CEP162: variants seen among roughly 807,000 people sequenced by gnomAD.
CEP162 encodes the protein centrosomal protein 162.
CEP162 carries 141 observed loss-of-function variants against 169.2 expected under a neutral mutation model. That is an observed-to-expected ratio of 0.83 (90% CI 0.73 to 0.96). The LOEUF (loss-of-function observed/expected upper bound fraction) is 0.96, where lower values mean the gene tolerates loss of function less well. Ranked by LOEUF, CEP162 falls within the 40% of genes least tolerant of loss-of-function variation. CEP162 has a pLI of 0.00. For missense variants in CEP162, 1,600 were observed against 1,587.2 expected (o/e 1.01, Z -0.14); for synonymous variants, 540 against 526.4 (o/e 1.03, Z -0.35).
chr6:84,226,479 T>G, intron 1 of CEP162, 27 bp from the exon 2 acceptor site: 1 of 961,250 alleles, frequency 1.0e-6, no homozygotes, highest in East Asian at 2.6e-5. Flanking sequence ...ATAAACATCT[T>G]TTGAGGAAAT....
At position 84,213,038 on chromosome 6, in the gene CEP162, T is replaced by G; in HGVS notation, c.504-14A>C. ...TTGGCTTGATTACTGGAAAAAATAT[T>G]TATTTAATTTAGCATTACATGTTAA... On this transcript the variant is annotated splice_polypyrimidine_tract_variant and intron_variant, in intron 5 of 26. Coordinates refer to ENST00000403245, the MANE Select transcript of CEP162 (RefSeq NM_014895.4). 6.8e-7 allele frequency: 1 copy of G among 1,469,742 alleles called. No individual in the cohort carries two copies. Among genetic ancestry groups the G allele is most frequent in the Non-Finnish European group, 9.3e-7 (1 of 1,077,162 alleles). The allele number at this position is 1,469,742 out of a possible 1,614,324, so 91.0% of individuals were successfully genotyped here.
At chr6:84,165,905 A>G (rs2099527626) in intron 18 of CEP162, among the ~76,000 whole-genome samples, 1 of 152,228 alleles carries the variant, frequency 6.6e-6, no homozygotes, top group African/African-American at 2.4e-5. Flanking sequence ...GAGAGTCCTG[A>G]AACTAAAATT....
intron 25 of CEP162, among the ~76,000 whole-genome samples, chr6:84,137,224 C>T (rs990041654): frequency 6.6e-6 from 1 of 152,204 alleles, no homozygotes; most frequent in Non-Finnish European, 1.5e-5. Flanking sequence ...TGCTGCCTTG[C>T]TAGCCTGCTG....
chr6:84,165,133 G>A (rs1420303053), intron 18 of CEP162, among the ~76,000 whole-genome samples: 1 of 151,592 alleles, frequency 6.6e-6, no homozygotes, highest in Non-Finnish European at 1.5e-5. Context: ...CACTTCATCA[G>A]GATTTCTGCT....
At chr6:84,166,584 A>G (rs2099527930) in intron 18 of CEP162, among the ~76,000 whole-genome samples, 1 of 152,034 alleles carries the variant, frequency 6.6e-6, no homozygotes, top group Non-Finnish European at 1.5e-5. Flanking sequence ...TACATTTCCA[A>G]TGCTTGGATG....
intron 6 of CEP162, among the ~76,000 whole-genome samples, chr6:84,205,600 C>T (rs1323317474): frequency 1.3e-5 from 2 of 152,118 alleles, no homozygotes; most frequent in African/African-American, 2.4e-5. Flanking sequence ...ATGACAAACC[C>T]ACAGCCAATA....
In CEP162 at chr6:84,186,399, A is replaced by G. The variant is rs889470245; in HGVS notation, c.1334T>C (p.Leu445Pro). The part of the protein sequence containing the change: ...ATEEHVDKMY[L>P]NILRKKITVN... ...AGTTATTTTTTTCCTCAAAATATTA[A>G]GGTACATTTTATCAACATGTTCTTC... The change falls in exon 12 of 27, where the codon CTT becomes CCT. Residue 445 changes from leucine to proline, a missense_variant. Coordinates refer to ENST00000403245, the MANE Select transcript of CEP162 (RefSeq NM_014895.4). 2 of 1,552,544 alleles carry G rather than the reference A, an allele frequency of 1.3e-6. No individual in the cohort carries two copies. Among genetic ancestry groups the G allele is most frequent in the Non-Finnish European group, 1.8e-6 (2 of 1,124,148 alleles).
chr6:84,198,142 C>T (rs1390856317), intron 9 of CEP162, among the ~76,000 whole-genome samples: 1 of 152,074 alleles, frequency 6.6e-6, no homozygotes, highest in Non-Finnish European at 1.5e-5. Flanking sequence ...GAAAATTAAC[C>T]AATGTTTAAG....
chr6:84,140,985 T>C (rs1393831563), intron 25 of CEP162, among the ~76,000 whole-genome samples: 2 of 152,188 alleles, frequency 1.3e-5, no homozygotes, highest in Admixed American at 6.5e-5. Flanking sequence ...TTAGATTCTC[T>C]TATATAAGCC....
chr6:84,127,573 A>G (rs565134388), intron 25 of CEP162, among the ~76,000 whole-genome samples: 6 of 152,312 alleles, frequency 3.9e-5, no homozygotes, highest in Admixed American at 3.3e-4. Context: ...AATGATTATT[A>G]AAATTATTTT....
rs144827587 is a variant in CEP162 at position 84,209,114 on chromosome 6, G to A, written c.571+3843C>T. ...AGGCAGTATGGCATAGTGCTTAAGA[G>A]CATGACCTGGAGCCAGAAGGCCTAA... On this transcript the variant is annotated intron_variant, in intron 6 of 26. Transcript: ENST00000403245. Among the ~76,000 whole-genome samples the A allele has an allele frequency of 2.6e-5, 4 of 152,294 alleles. No individual in the cohort carries two copies. The East Asian group carries it at 7.7e-4, about 29-fold the overall frequency.
intron 25 of CEP162, among the ~76,000 whole-genome samples, chr6:84,140,451 G>A (rs1337923956): frequency 1.3e-5 from 2 of 152,130 alleles, no homozygotes; most frequent in East Asian, 3.9e-4. Flanking sequence ...TGGATATCGA[G>A]GGAGATTTGA....
chr6:84,146,634 T>C (rs953913401), intron 25 of CEP162, 53 bp downstream of exon 25: 2 of 777,658 alleles, frequency 2.6e-6, no homozygotes, highest in South Asian at 1.8e-5. Flanking sequence ...ATGAATATGA[T>C]TGAAATGCCT....
intron 13 of CEP162, among the ~76,000 whole-genome samples, chr6:84,175,843 G>A (rs565437440): frequency 7.9e-5 from 12 of 151,970 alleles, no homozygotes; most frequent in African/African-American, 2.4e-4. Context: ...TAAATTGCAC[G>A]GAGGATTTTA....
chr6:84,175,943 T>A (rs1291895432), intron 13 of CEP162, among the ~76,000 whole-genome samples: 1 of 152,186 alleles, frequency 6.6e-6, no homozygotes, highest in Non-Finnish European at 1.5e-5. Context: ...GTGATTAATA[T>A]ATATTCTGTT....
rs1019337427 is a variant in CEP162, at chr6:84,126,430, T to G, written c.3953A>C (p.Lys1318Thr). 2.5e-6 allele frequency: 4 copies of G among 1,601,522 alleles called. No individual in the cohort carries two copies. The African/African-American group carries it at 4.0e-5, about 16-fold the overall frequency. ...EMKHFVGLEK[K>T]IKQMEMRHAQ... The stretch of plus-strand genomic sequence containing the variant: ...ATGTCTCATTTCCATCTGCTTAATT[T>G]TCTTTTCTAAGCCCACGAAATGTTT... Residue 1318 changes from lysine (K) to threonine (T), a missense_variant, in exon 26 of 27, where the codon AAA becomes ACA. Coordinates refer to ENST00000403245, the MANE Select transcript of CEP162 (RefSeq NM_014895.4).
chr6:84,174,749 T>C lies in CEP162; in HGVS notation c.2003A>G (p.Asp668Gly). 4 of 1,498,826 alleles carry C rather than the reference T, an allele frequency of 2.7e-6. No homozygotes were observed. Among genetic ancestry groups the C allele is most frequent in the East Asian group, 2.3e-5 (1 of 42,802 alleles). 92.8% of individuals were successfully genotyped at this position (1,498,826 alleles called of 1,614,324 possible). A position where few individuals can be genotyped will look rare whatever the true frequency, so the allele number is the denominator to read the frequency against. Residue 668 changes from aspartate to glycine, a missense_variant, in exon 15 of 27, where the codon GAT (aspartate) becomes GGT (glycine). Transcript: ENST00000403245. ...TACCTTGGCTTGAAGAATATAATTATCTTGATTCAATTTGAAGAGTTCTTT... is the reference window on the plus strand; with the variant it reads ...TACCTTGGCTTGAAGAATATAATTACCTTGATTCAATTTGAAGAGTTCTTT... Reference protein sequence around the residue: ...QEKELFKLNQDNYILQAKLSS... With the variant: ...QEKELFKLNQGNYILQAKLSS...
intron 8 of CEP162, 81 bp from the exon 9 acceptor site, chr6:84,200,986 T>C (rs966465192): frequency 5.6e-6 from 5 of 896,614 alleles, no homozygotes; most frequent in African/African-American, 4.9e-5. Flanking sequence ...ATTTTAAACA[T>C]ATGCAATGCA....
chr6:84,188,739 G>A (rs1377334091), intron 11 of CEP162, among the ~76,000 whole-genome samples: 1 of 151,954 alleles, frequency 6.6e-6, no homozygotes, highest in Non-Finnish European at 1.5e-5. Context: ...TATTCCTTTT[G>A]GTATATATCC....
Sources: gnomAD v4.1 joint callset for allele counts (sites outside exome capture counted in the v4.1 genomes callset) on GRCh38, gnomAD v4.1.1 for gene constraint, MANE v1.5 for transcripts, NCBI Gene and HGNC (gene_info 2026-07-23, HGNC 2026-07-21) for gene names.